Variants in NDUFB1 observed in about 807,000 individuals in gnomAD.
NDUFB1 encodes the protein NADH:ubiquinone oxidoreductase subunit B1, also known as NADH dehydrogenase [ubiquinone] 1 beta subcomplex subunit 1.
In NDUFB1, 6 loss-of-function variants were observed where a neutral mutation model predicts 6.7. The ratio of observed to expected loss-of-function variants is 0.89; its 90% CI spans 0.49 to 1.76. The LOEUF (loss-of-function observed/expected upper bound fraction) is 1.76. NDUFB1 is among the 40% of genes most tolerant of loss of function. The pLI is 0.01. For synonymous variants in NDUFB1, 17 were observed against 22.9 expected (o/e 0.74, Z 0.74); for missense variants, 56 against 71.0 (o/e 0.79, Z 0.76).
In NDUFB1 at chr14:92,121,647, G is replaced by A. The variant is rs1288661195; in HGVS notation, c.-11C>T. 1.2e-6 allele frequency: 2 copies of A among 1,609,834 alleles called. No homozygotes were observed. The highest frequency in any genetic ancestry group is 1.1e-5 in the South Asian group (1 of 90,874). ...CCCGGGCTCCCCAAACCCACCTGCA[G>A]CCTCAGCGCCTACAGCGACCCCGAG... On this transcript the variant is annotated 5_prime_UTR_variant, in exon 1 of 3. Transcript: ENST00000605997.
intron 1 of NDUFB1, among the ~76,000 whole-genome samples, chr14:92,120,926 C>T (rs1448112007): frequency 1.3e-5 from 2 of 151,290 alleles, no homozygotes; most frequent in Non-Finnish European, 2.9e-5. Context: ...CTTTGGGATG[C>T]TGAGGCGGGT....
intron 1 of NDUFB1, 90 bp downstream of exon 1, chr14:92,121,552 A>C (rs111572939): frequency 1.9e-5 from 30 of 1,582,420 alleles, no homozygotes; most frequent in African/African-American, 1.5e-4. Flanking sequence ...CCCTCCACAC[A>C]TGCACAGCAC....
chr14:92,120,906 A>G (rs1241680), intron 1 of NDUFB1, among the ~76,000 whole-genome samples: 1 of 151,230 alleles, frequency 6.6e-6, no homozygotes, highest in Non-Finnish European at 1.5e-5. Flanking sequence ...TCACGCCTGT[A>G]ATCCCAGCAC....
At chr14:92,116,467 G>A (rs2068718632) in intron 2 of NDUFB1, among the ~76,000 whole-genome samples, 1 of 150,406 alleles carries the variant, frequency 6.6e-6, no homozygotes, top group African/African-American at 2.5e-5. Context: ...CCAAGTAGCT[G>A]GGATTACAGC....
Position 92,117,544 on chromosome 14 carries a change from C to A in NDUFB1, c.94G>T (p.Asp32Tyr). ...TTCCGGAAGGCAGTTAGCCGTTCAT[C>A]ACTCTTTCTGTCTAAATAACATCCA... Reference protein sequence around the residue: ...VIGCYLDRKSDERLTAFRNKS... With the variant: ...VIGCYLDRKSYERLTAFRNKS... Residue 32 changes from aspartate (D) to tyrosine (Y), a missense_variant, in exon 2 of 3, where the codon GAT becomes TAT. Asp to Tyr is a radical substitution (Grantham distance 160, BLOSUM62 -3). Coordinates refer to ENST00000605997, the MANE Select transcript of NDUFB1 (RefSeq NM_004545.4). 1 of 1,613,636 alleles carries A rather than the reference C, an allele frequency of 6.2e-7. No individual in the cohort carries two copies.
At position 92,116,336 on chromosome 14, in the gene NDUFB1, T is replaced by TTC. The variant is rs2068717352; in HGVS notation, c.141-108_141-107insGA. The TTC allele has an allele frequency of 2.1e-4, 176 of 843,430 alleles. 2 individuals carry two copies. The African/African-American group carries it at 3.5e-3, about 17-fold the overall frequency. The allele number at this position is 843,430 out of a possible 1,614,324, so 52.2% of individuals were successfully genotyped here. Reference sequence around the variant, plus strand: ...TGATTGCAATATTTCATTTTCTTTTTTTTTTTTTTTTTTTTGAGACGAAGT... The same window carrying TTC: ...TGATTGCAATATTTCATTTTCTTTTTTCTTTTTTTTTTTTTTTGAGACGAAGT... On this transcript the variant is annotated intron_variant, in intron 2 of 2. Coordinates refer to ENST00000605997, the MANE Select transcript of NDUFB1 (RefSeq NM_004545.4).
chr14:92,116,818 A>T (rs2068720888), intron 2 of NDUFB1, among the ~76,000 whole-genome samples: 2 of 152,180 alleles, frequency 1.3e-5, no homozygotes, highest in African/African-American at 4.8e-5. Context: ...CAGTGAGTTC[A>T]TTCGAAATGT....
At chr14:92,119,276 T>G (rs1269628179) in intron 1 of NDUFB1, among the ~76,000 whole-genome samples, 3 of 149,184 alleles carry the variant, frequency 2.0e-5, no homozygotes, top group Non-Finnish European at 4.4e-5. Flanking sequence ...CACACCACTG[T>G]ACTCTAGCCT....
chr14:92,116,294 AGG>A lies in NDUFB1; in HGVS notation c.141-67_141-66del. ...AAATAAAACTGTGATACGAGATAAA[AGG>A]GGAAGTCAGAAGAATGATTGCAATA... is the stretch of plus-strand genomic sequence containing the variant. On this transcript the variant is annotated intron_variant, in intron 2 of 2. Transcript: ENST00000605997. The A allele has an allele frequency of 5.5e-6, 7 of 1,262,610 alleles. No individual in the cohort carries two copies. The South Asian group carries it at 8.8e-5, about 16-fold the overall frequency. The allele number at this position is 1,262,610 out of a possible 1,614,324, so 78.2% of individuals were successfully genotyped here. A position where few individuals can be genotyped will look rare whatever the true frequency, so the allele number is the denominator to read the frequency against.
At chr14:92,116,814 G>C (rs2068720846) in intron 2 of NDUFB1, among the ~76,000 whole-genome samples, 1 of 152,116 alleles carries the variant, frequency 6.6e-6, no homozygotes, top group Non-Finnish European at 1.5e-5. Context: ...TGCTCAGTGA[G>C]TTCATTCGAA....
chr14:92,117,834 C>T, intron 1 of NDUFB1, 192 bp from the exon 2 acceptor site: 1 of 565,724 alleles, frequency 1.8e-6, no homozygotes, highest in Non-Finnish European at 3.1e-6. Flanking sequence ...CCCATTTCTA[C>T]TAAAAGCACA....
At position 92,117,578 on chromosome 14, in the gene NDUFB1, T is replaced by C; in HGVS notation, c.60A>G (p.Gly20=). 1.9e-6 allele frequency: 3 copies of C among 1,613,966 alleles called. No homozygotes were observed. Among genetic ancestry groups the C allele is most frequent in the Non-Finnish European group, 2.5e-6 (3 of 1,179,978 alleles). Residue 20 remains glycine, a synonymous_variant, in exon 2 of 3, where the codon GGA becomes GGG. Coordinates refer to ENST00000605997, the MANE Select transcript of NDUFB1 (RefSeq NM_004545.4). ...TGTCTAAATAACATCCAATGACAAATCCCATAGGGACAAGAACATGAACCC... is the reference window on the plus strand; with the variant it reads ...TGTCTAAATAACATCCAATGACAAACCCCATAGGGACAAGAACATGAACCC... The part of the protein sequence containing the change: ...DHWVHVLVPM[G]FVIGCYLDRK...
intron 1 of NDUFB1, chr14:92,119,109 T>C (rs1012291643): frequency 5.6e-6 from 1 of 179,488 alleles, no homozygotes; most frequent in African/African-American, 2.4e-5. Context: ...CCTAGGAGCT[T>C]GAGACTAGCC....
chr14:92,121,588 G>T, intron 1 of NDUFB1, 54 bp downstream of exon 1: 1 of 1,608,222 alleles, frequency 6.2e-7, no homozygotes, highest in South Asian at 1.1e-5. Context: ...AACCCTCCCC[G>T]CCACCGTCGC....
At chr14:92,121,384 T>C (rs2068761657) in intron 1 of NDUFB1, 1 of 576,442 alleles carries the variant, frequency 1.7e-6, no homozygotes. Flanking sequence ...TAGCGGGCGG[T>C]CACTGGGTCA....
Position 92,121,452 on chromosome 14 carries a change from C to A in NDUFB1, c.-6+190G>T, listed in dbSNP as rs1232958248. 5 of 851,110 alleles carry A rather than the reference C, an allele frequency of 5.9e-6. No homozygotes were observed. In the East Asian group the frequency reaches 1.3e-4, roughly 23 times the overall value. The allele number at this position is 851,110 out of a possible 1,614,324, so 52.7% of individuals were successfully genotyped here. A position where few individuals can be genotyped will look rare whatever the true frequency, so the allele number is the denominator to read the frequency against. On this transcript the variant is annotated intron_variant, in intron 1 of 2. Coordinates refer to ENST00000605997, the MANE Select transcript of NDUFB1 (RefSeq NM_004545.4). ...CTCAGAAAACCCTTTCCAAAAGCTCCGGCCCGGAAATCCCATCCTCCACCC... is the reference window on the plus strand; with the variant it reads ...CTCAGAAAACCCTTTCCAAAAGCTCAGGCCCGGAAATCCCATCCTCCACCC...
At chr14:92,116,711 A>T (rs1047364557) in intron 2 of NDUFB1, among the ~76,000 whole-genome samples, 3 of 152,194 alleles carry the variant, frequency 2.0e-5, no homozygotes, top group Admixed American at 1.3e-4. Flanking sequence ...CTTTTCATTC[A>T]TGATTTTAAC....
intron 1 of NDUFB1, among the ~76,000 whole-genome samples, chr14:92,120,715 C>T (rs2068753158): frequency 1.4e-5 from 2 of 147,482 alleles, no homozygotes; most frequent in Admixed American, 6.8e-5. Context: ...CCACCACGCC[C>T]GGCTAATTTT....
At position 92,119,693 on chromosome 14, in the gene NDUFB1, C is replaced by A. The variant is rs74071895; in HGVS notation, c.-6+1949G>T. On this transcript the variant is annotated intron_variant, in intron 1 of 2. Coordinates refer to ENST00000605997, the MANE Select transcript of NDUFB1 (RefSeq NM_004545.4). The stretch of plus-strand genomic sequence containing the variant: ...TAATGAGCTATCTTGGGGATAGGAC[C>A]GAATTAAAACATAAAATTCATTTGT... Among the ~76,000 whole-genome samples, 8 of 151,890 alleles carry A rather than the reference C, an allele frequency of 5.3e-5. No individual in the cohort carries two copies. In the East Asian group the frequency reaches 1.5e-3, roughly 29 times the overall value.
Sources: gnomAD v4.1 joint callset for allele counts (sites outside exome capture counted in the v4.1 genomes callset) on GRCh38, gnomAD v4.1.1 for gene constraint, MANE v1.5 for transcripts, NCBI Gene and HGNC (gene_info 2026-07-23, HGNC 2026-07-21) for gene names.